Variants in CDH18 observed in about 807,000 individuals in gnomAD.
The protein encoded by CDH18 is cadherin-18.
CDH18 carries 31 observed loss-of-function variants against 67.9 expected under a neutral mutation model. That is an observed-to-expected ratio of 0.46 (90% CI 0.34 to 0.62). The LOEUF (loss-of-function observed/expected upper bound fraction) is 0.62. CDH18 is among the 20% of genes least tolerant of loss of function. CDH18 has a pLI of 0.01. For missense variants in CDH18, 890 were observed against 975.5 expected, an observed-to-expected ratio of 0.91 and a Z score of 1.17; for synonymous variants, 362 against 347.2, an observed-to-expected ratio of 1.04 and a Z score of -0.48.
intron 1 of CDH18, chr5:20,304,319 A>C: frequency 6.3e-7 from 1 of 1,591,008 alleles, no homozygotes; most frequent in Non-Finnish European, 8.6e-7. Context: ...CAGAGTACCT[A>C]TGACTTTCTC....
intron 7 of CDH18, among the ~76,000 whole-genome samples, chr5:19,586,822 C>T (rs1744229577): frequency 6.6e-6 from 1 of 152,166 alleles, no homozygotes; most frequent in Admixed American, 6.6e-5. Context: ...TACACTTCTA[C>T]CAGCAGTGTA....
chr5:20,397,134 GTGTT>G lies in CDH18; in HGVS notation c.-579-141633_-579-141630del, dbSNP rs548238629. Among the ~76,000 whole-genome samples the G allele has an allele frequency of 1.3e-4, 19 of 151,986 alleles. No homozygotes were observed. The East Asian group carries it at 2.1e-3, about 17-fold the overall frequency. On this transcript the variant is annotated intron_variant, in intron 1 of 14. Coordinates refer to the CDH18 transcript ENST00000507958. ...TTTGTTTTTGTTTTTGTTTTTTGTG[GTGTT>G]TGTTTGTTTTCAAATGGAGTCTTGC...
At chr5:20,297,296 C>G (rs970576372) in intron 1 of CDH18, among the ~76,000 whole-genome samples, 1 of 152,208 alleles carries the variant, frequency 6.6e-6, no homozygotes, top group Admixed American at 6.5e-5. Flanking sequence ...AACGAACTAG[C>G]CTTCCTCACT....
At chr5:19,909,219 T>G (rs985697300) in intron 2 of CDH18, among the ~76,000 whole-genome samples, 1 of 151,912 alleles carries the variant, frequency 6.6e-6, no homozygotes, top group Non-Finnish European at 1.5e-5. Flanking sequence ...TTTAAAAGTG[T>G]CCTTGGCACC....
rs775765843 is a variant in CDH18 at position 19,838,821 on chromosome 5, C to G, written c.166G>C (p.Val56Leu). 1 of 1,613,776 alleles carries G rather than the reference C, an allele frequency of 6.2e-7. No homozygotes were observed. Among genetic ancestry groups the G allele is most frequent in the Non-Finnish European group, 8.5e-7 (1 of 1,179,818 alleles). ...TCTAAAACAAAGAACTGATTCCATA[C>G]CCATCCCCTTTTGGGACGATGATGG... ...EVHHRPKRGWVWNQFFVLEEH... is the reference protein window; with the variant it reads ...EVHHRPKRGWLWNQFFVLEEH... The change falls in exon 3 of 13, where the codon GTA becomes CTA. Residue 56 changes from valine to leucine, a missense_variant. By Grantham distance (32) the Val-to-Leu change is conservative. Coordinates refer to ENST00000382275, the MANE Select transcript of CDH18 (RefSeq NM_004934.5).
At chr5:20,218,063 A>G (rs1164624798) in intron 2 of CDH18, among the ~76,000 whole-genome samples, 1 of 151,916 alleles carries the variant, frequency 6.6e-6, no homozygotes, top group Non-Finnish European at 1.5e-5. Flanking sequence ...CCAATACGAT[A>G]ATAGCTGGAG....
chr5:20,523,552 T>C (rs1317290022), intron 1 of CDH18, among the ~76,000 whole-genome samples: 1 of 152,002 alleles, frequency 6.6e-6, no homozygotes, highest in Non-Finnish European at 1.5e-5. Flanking sequence ...TCATAACTTA[T>C]TTTTTTTAGA....
intron 1 of CDH18, among the ~76,000 whole-genome samples, chr5:20,336,102 T>G (rs538286610): frequency 6.6e-6 from 1 of 152,014 alleles, no homozygotes; most frequent in African/African-American, 2.4e-5. Context: ...CCATCAAACT[T>G]TAGATGATGA....
chr5:20,073,848 T>C (rs1743697972), intron 2 of CDH18, among the ~76,000 whole-genome samples: 1 of 152,132 alleles, frequency 6.6e-6, no homozygotes, highest in East Asian at 1.9e-4. Flanking sequence ...TCAGGATTAT[T>C]GATATGCCTA....
chr5:19,865,102 C>T (rs1785340904), intron 2 of CDH18, among the ~76,000 whole-genome samples: 1 of 152,014 alleles, frequency 6.6e-6, no homozygotes, highest in African/African-American at 2.4e-5. Flanking sequence ...TTCCTAGGGC[C>T]CTCCCAAGTT....
At chr5:19,673,090 T>C (rs923768462) in intron 5 of CDH18, among the ~76,000 whole-genome samples, 4 of 152,072 alleles carry the variant, frequency 2.6e-5, no homozygotes, top group African/African-American at 9.7e-5. Context: ...CATTAGTGAA[T>C]TACTTTTTTT....
chr5:20,203,482 G>C (rs1008119142), intron 2 of CDH18, among the ~76,000 whole-genome samples: 3 of 151,990 alleles, frequency 2.0e-5, no homozygotes, highest in Admixed American at 2.0e-4. Context: ...CCCATGAAAT[G>C]GGACAGGAAG....
chr5:19,507,730 G>C (rs1744436073), intron 10 of CDH18, among the ~76,000 whole-genome samples: 1 of 152,078 alleles, frequency 6.6e-6, no homozygotes, highest in Non-Finnish European at 1.5e-5. Flanking sequence ...ACAGGAAGGG[G>C]AACTTCACAC....
intron 2 of CDH18, chr5:20,159,002 C>A (rs948040836): frequency 6.4e-6 from 1 of 156,984 alleles, no homozygotes; most frequent in African/African-American, 2.4e-5. Context: ...GATTTGATAA[C>A]AGAAAGGGGC....
chr5:19,858,071 GA>G (rs1222214644), intron 2 of CDH18, among the ~76,000 whole-genome samples: 1 of 152,002 alleles, frequency 6.6e-6, no homozygotes, highest in Non-Finnish European at 1.5e-5. Context: ...ATTCATTGCC[GA>G]TATATGATAA....
At chr5:20,092,400 G>C (rs1315433489) in intron 2 of CDH18, among the ~76,000 whole-genome samples, 1 of 152,050 alleles carries the variant, frequency 6.6e-6, no homozygotes, top group East Asian at 1.9e-4. Context: ...ATAGAGAAAA[G>C]AGTGTCCCGA....
At chr5:19,804,485 C>G (rs1777834737) in intron 3 of CDH18, among the ~76,000 whole-genome samples, 1 of 152,016 alleles carries the variant, frequency 6.6e-6, no homozygotes, top group Admixed American at 6.6e-5. Flanking sequence ...GTTAATTTGC[C>G]ACTTTCGAGG....
intron 2 of CDH18, among the ~76,000 whole-genome samples, chr5:20,011,250 C>G (rs1300085786): frequency 6.6e-6 from 1 of 152,134 alleles, no homozygotes; most frequent in Non-Finnish European, 1.5e-5. Context: ...TGATTTGTCT[C>G]GTTTTGACTG....
intron 11 of CDH18, among the ~76,000 whole-genome samples, chr5:19,488,553 T>C (rs1170093291): frequency 1.3e-5 from 2 of 152,164 alleles, no homozygotes; most frequent in African/African-American, 4.8e-5. Flanking sequence ...TCATATTGTC[T>C]CTGAGTTTTT....
Sources: gnomAD v4.1 joint callset for allele counts (sites outside exome capture counted in the v4.1 genomes callset) on GRCh38, gnomAD v4.1.1 for gene constraint, MANE v1.5 for transcripts, NCBI Gene and HGNC (gene_info 2026-07-23, HGNC 2026-07-21) for gene names.